Variants in GPR39 observed in about 807,000 individuals in gnomAD.
GPR39 encodes the protein zinc sensing receptor.
GPR39 carries 23 observed loss-of-function variants against 18.4 expected under a neutral mutation model. That is an observed-to-expected ratio of 1.25 (90% confidence interval 0.90 to 1.77). GPR39 has a LOEUF of 1.77. Ranked by LOEUF, GPR39 falls within the 40% of genes most tolerant of loss-of-function variation. GPR39 has a pLI of 0.00. For missense variants in GPR39, 647 were observed against 602.4 expected, an observed-to-expected ratio of 1.07 and a Z score of -0.78; for synonymous variants, 280 against 257.9, an observed-to-expected ratio of 1.09 and a Z score of -0.82.
chr2:132,421,121 C>T (rs1389007869), intron 1 of GPR39, among the ~76,000 whole-genome samples: 1 of 152,196 alleles, frequency 6.6e-6, no homozygotes, highest in East Asian at 1.9e-4. Flanking sequence ...ATTATCTGTC[C>T]TGTCCCTTCA....
chr2:132,540,636 C>T (rs1004523919), intron 1 of GPR39, among the ~76,000 whole-genome samples: 2 of 152,162 alleles, frequency 1.3e-5, no homozygotes, highest in Admixed American at 6.5e-5. Flanking sequence ...CATGTTAAAA[C>T]AGCCCTTGCC....
intron 1 of GPR39, among the ~76,000 whole-genome samples, chr2:132,484,668 G>A (rs1386302710): frequency 6.6e-6 from 1 of 152,176 alleles, no homozygotes; most frequent in Non-Finnish European, 1.5e-5. Flanking sequence ...GGGATGACAA[G>A]GAAAATTGCT....
intron 1 of GPR39, among the ~76,000 whole-genome samples, chr2:132,631,905 C>A (rs991783337): frequency 2.0e-5 from 3 of 151,532 alleles, no homozygotes; most frequent in Non-Finnish European, 1.5e-5. Flanking sequence ...TCACTGCAAC[C>A]TCTGCCTCCT....
intron 1 of GPR39, chr2:132,604,984 G>T (rs1681108260): frequency 6.6e-6 from 1 of 152,168 alleles, no homozygotes; most frequent in African/African-American, 2.4e-5. Context: ...ATCATACAAA[G>T]TGCTTTACAT....
chr2:132,577,584 G>C (rs1344343180), intron 1 of GPR39, among the ~76,000 whole-genome samples: 2 of 152,114 alleles, frequency 1.3e-5, no homozygotes, highest in Non-Finnish European at 2.9e-5. Flanking sequence ...ATAGTTTTTA[G>C]TGTATAAGAC....
intron 1 of GPR39, among the ~76,000 whole-genome samples, chr2:132,605,590 C>T (rs1294297639): frequency 2.0e-5 from 3 of 152,128 alleles, no homozygotes; most frequent in Non-Finnish European, 2.9e-5. Flanking sequence ...GATGGGTGCC[C>T]GCAGGAATCT....
intron 1 of GPR39, among the ~76,000 whole-genome samples, chr2:132,640,029 A>C (rs1303268467): frequency 6.6e-6 from 1 of 152,200 alleles, no homozygotes; most frequent in African/African-American, 2.4e-5. Context: ...CAAATCACTT[A>C]ACCTCAGTTT....
At chr2:132,495,828 A>C (rs1387984026) in intron 1 of GPR39, among the ~76,000 whole-genome samples, 13 of 142,784 alleles carry the variant, frequency 9.1e-5, no homozygotes, top group East Asian at 6.1e-4. Context: ...TCCCCTTCTC[A>C]CCCCTCCCCT....
intron 1 of GPR39, among the ~76,000 whole-genome samples, chr2:132,586,573 C>T (rs1573683073): frequency 6.6e-6 from 1 of 152,194 alleles, no homozygotes; most frequent in East Asian, 1.9e-4. Flanking sequence ...AACATCAACT[C>T]CCACTTTCCT....
At chr2:132,552,798 G>A (rs1214176323) in intron 1 of GPR39, among the ~76,000 whole-genome samples, 2 of 33,954 alleles carry the variant, frequency 5.9e-5, no homozygotes, top group Non-Finnish European at 5.0e-5. Context: ...GTGTATATAT[G>A]TGTGTGTGTG....
chr2:132,493,106 T>C (rs1027568122), intron 1 of GPR39, among the ~76,000 whole-genome samples: 2 of 122,232 alleles, frequency 1.6e-5, no homozygotes, highest in Admixed American at 8.7e-5. Context: ...ACCATATATA[T>C]ACCATATATA....
chr2:132,605,306 AGAG>A (rs1180956799), intron 1 of GPR39, among the ~76,000 whole-genome samples: 2 of 152,212 alleles, frequency 1.3e-5, no homozygotes, highest in Non-Finnish European at 2.9e-5. Context: ...GGCTGGAGTA[AGAG>A]GAGATGAGTA....
intron 1 of GPR39, among the ~76,000 whole-genome samples, chr2:132,435,932 TA>T (rs1408097734): frequency 6.6e-6 from 1 of 152,230 alleles, no homozygotes; most frequent in Non-Finnish European, 1.5e-5. Flanking sequence ...CAATGTCTGA[TA>T]CAATAGAAAA....
intron 1 of GPR39, among the ~76,000 whole-genome samples, chr2:132,553,537 A>G (rs951442217): frequency 1.3e-5 from 2 of 152,042 alleles, no homozygotes; most frequent in Admixed American, 6.6e-5. Flanking sequence ...ATGGGGAGTG[A>G]CACAGTCCCT....
chr2:132,507,351 G>A (rs1679153397), intron 1 of GPR39, among the ~76,000 whole-genome samples: 1 of 152,116 alleles, frequency 6.6e-6, no homozygotes, highest in African/African-American at 2.4e-5. Flanking sequence ...AAAATAAGTA[G>A]GTAAGCCCCT....
chr2:132,520,446 G>T (rs1173675464), intron 1 of GPR39, among the ~76,000 whole-genome samples: 1 of 152,198 alleles, frequency 6.6e-6, no homozygotes, highest in African/African-American at 2.4e-5. Context: ...ATGATGCAGT[G>T]GTTTCTGGGG....
At chr2:132,637,502 A>G (rs1558866986) in intron 1 of GPR39, among the ~76,000 whole-genome samples, 1 of 152,366 alleles carries the variant, frequency 6.6e-6, no homozygotes, top group East Asian at 1.9e-4. Context: ...CATCTGTGGC[A>G]TTTACATCAT....
chr2:132,516,108 G>A (rs573110311), intron 1 of GPR39, among the ~76,000 whole-genome samples: 1 of 152,248 alleles, frequency 6.6e-6, no homozygotes, highest in South Asian at 2.1e-4. Flanking sequence ...GTCCTGGCAA[G>A]CCCGTGAAGG....
At chr2:132,462,014 C>T (rs1558805398) in intron 1 of GPR39, among the ~76,000 whole-genome samples, 1 of 152,148 alleles carries the variant, frequency 6.6e-6, no homozygotes, top group Non-Finnish European at 1.5e-5. Context: ...TTACCATGGG[C>T]CCGTCTAACA....
Sources: gnomAD v4.1 joint callset for allele counts (sites outside exome capture counted in the v4.1 genomes callset) on GRCh38, gnomAD v4.1.1 for gene constraint, MANE v1.5 for transcripts, NCBI Gene and HGNC (gene_info 2026-07-23, HGNC 2026-07-21) for gene names.